The following DENND1A variants were observed in gnomAD, a reference collection of about 807,000 sequenced individuals.
DENND1A encodes the protein DENN domain-containing protein 1A.
DENND1A carries 51 observed loss-of-function variants against 113.7 expected under a neutral mutation model. That is an observed-to-expected ratio of 0.45 (90% CI 0.36 to 0.57). DENND1A has a LOEUF of 0.57. Ranked by LOEUF, DENND1A falls within the 20% of genes least tolerant of loss-of-function variation. The probability of loss-of-function intolerance (pLI) is 0.00; values close to 1 mark genes in which losing one functional copy is unlikely to be tolerated. For synonymous variants in DENND1A, 565 were observed against 570.8 expected (o/e 0.99, Z 0.14); for missense variants, 1,258 against 1,395.9 (o/e 0.90, Z 1.57).
At chr9:123,528,717 G>T (rs1395583473) in intron 13 of DENND1A, among the ~76,000 whole-genome samples, 1 of 152,178 alleles carries the variant, frequency 6.6e-6, no homozygotes, top group Non-Finnish European at 1.5e-5. Context: ...AAACCCTTAA[G>T]TGGCTTTACT....
chr9:123,794,826 T>C (rs140301129), intron 2 of DENND1A, among the ~76,000 whole-genome samples: 3 of 151,934 alleles, frequency 2.0e-5, no homozygotes, highest in African/African-American at 7.2e-5. Flanking sequence ...GGAAAATTAA[T>C]GAAAAGAAAA....
intron 11 of DENND1A, among the ~76,000 whole-genome samples, chr9:123,593,811 C>A (rs1380275183): frequency 6.6e-6 from 1 of 152,180 alleles, no homozygotes; most frequent in South Asian, 2.1e-4. Flanking sequence ...AGATCTCACG[C>A]CCTCTTGTAA....
At chr9:123,794,539 C>G (rs1484224314) in intron 2 of DENND1A, among the ~76,000 whole-genome samples, 1 of 152,152 alleles carries the variant, frequency 6.6e-6, no homozygotes, top group Non-Finnish European at 1.5e-5. Flanking sequence ...TACTATCATG[C>G]CCTCTTTCTT....
chr9:123,501,338 T>A (rs1432699593), intron 13 of DENND1A, among the ~76,000 whole-genome samples: 2 of 152,248 alleles, frequency 1.3e-5, no homozygotes, highest in African/African-American at 4.8e-5. Context: ...TATCCACTCA[T>A]CTGTGGATGG....
intron 8 of DENND1A, among the ~76,000 whole-genome samples, chr9:123,656,458 C>G (rs1431981200): frequency 6.6e-6 from 1 of 152,114 alleles, no homozygotes. Context: ...CCAATTCAGA[C>G]AAAAGCTTTG....
chr9:123,394,400 G>A (rs2043012469), intron 21 of DENND1A, among the ~76,000 whole-genome samples: 1 of 152,100 alleles, frequency 6.6e-6, no homozygotes, highest in Non-Finnish European at 1.5e-5. Context: ...GGTTGGCAGG[G>A]ACCAGGTCGT....
intron 19 of DENND1A, chr9:123,414,321 C>T (rs2044547298): frequency 1.4e-6 from 2 of 1,407,268 alleles, no homozygotes; most frequent in Admixed American, 3.1e-5. Flanking sequence ...CAACCATTAC[C>T]ATCAGCAGGT....
At chr9:123,467,094 CA>C (rs1309293229) in intron 13 of DENND1A, among the ~76,000 whole-genome samples, 4 of 151,902 alleles carry the variant, frequency 2.6e-5, no homozygotes, top group African/African-American at 9.7e-5. Context: ...CAAAACAAAA[CA>C]AAAAAACATT....
At chr9:123,432,790 C>T (rs2046233592) in intron 19 of DENND1A, among the ~76,000 whole-genome samples, 1 of 152,252 alleles carries the variant, frequency 6.6e-6, no homozygotes. Flanking sequence ...ATAGCCCCTT[C>T]TTTCCACATG....
chr9:123,846,906 A>G (rs1842700097), intron 2 of DENND1A, among the ~76,000 whole-genome samples: 1 of 152,240 alleles, frequency 6.6e-6, no homozygotes, highest in South Asian at 2.1e-4. Context: ...TACCAAAACC[A>G]TTAATTATAT....
At chr9:123,558,220 A>G (rs1391200961) in intron 12 of DENND1A, among the ~76,000 whole-genome samples, 3 of 152,212 alleles carry the variant, frequency 2.0e-5, no homozygotes, top group African/African-American at 7.2e-5. Flanking sequence ...GTTAGGCTAC[A>G]TACCTAGCAA....
intron 3 of DENND1A, among the ~76,000 whole-genome samples, chr9:123,779,743 A>G (rs1830981123): frequency 6.6e-6 from 1 of 152,030 alleles, no homozygotes; most frequent in Non-Finnish European, 1.5e-5. Flanking sequence ...CAAGCGATTC[A>G]CCCACTTCTG....
chr9:123,626,803 G>A (rs1035913635), intron 10 of DENND1A, among the ~76,000 whole-genome samples: 4 of 152,186 alleles, frequency 2.6e-5, no homozygotes, highest in Admixed American at 1.3e-4. Context: ...AGAGGCGGGA[G>A]GCAGCAGAAA....
chr9:123,508,231 C>A (rs536231215), intron 13 of DENND1A, among the ~76,000 whole-genome samples: 13 of 152,202 alleles, frequency 8.5e-5, no homozygotes, highest in African/African-American at 3.1e-4. Context: ...TTTTAACTTT[C>A]GTTTTTGGTG....
intron 21 of DENND1A, among the ~76,000 whole-genome samples, chr9:123,394,303 G>C (rs1306693441): frequency 1.3e-5 from 2 of 152,172 alleles, no homozygotes; most frequent in African/African-American, 2.4e-5. Context: ...GCATGGGAGA[G>C]GATCATAATG....
At chr9:123,488,453 A>C (rs924775831) in intron 13 of DENND1A, among the ~76,000 whole-genome samples, 1 of 152,264 alleles carries the variant, frequency 6.6e-6, no homozygotes, top group Admixed American at 6.5e-5. Flanking sequence ...TTTGTAACTG[A>C]CAATTTGAAA....
intron 19 of DENND1A, among the ~76,000 whole-genome samples, chr9:123,419,938 A>G (rs980495201): frequency 3.3e-5 from 5 of 152,242 alleles, no homozygotes; most frequent in African/African-American, 1.2e-4. Context: ...GGAGAAGACC[A>G]GGCCCTGGTG....
chr9:123,584,535 T>C (rs1200136566), intron 11 of DENND1A, among the ~76,000 whole-genome samples: 1 of 152,208 alleles, frequency 6.6e-6, no homozygotes, highest in Non-Finnish European at 1.5e-5. Flanking sequence ...CTGCTCAAGC[T>C]CCAGTTTCCA....
chr9:123,500,178 C>A (rs763342047), intron 13 of DENND1A, among the ~76,000 whole-genome samples: 30 of 152,276 alleles, frequency 2.0e-4, no homozygotes, highest in Middle Eastern at 6.8e-3. Context: ...TTCCCAGGTT[C>A]CATCGTTTGA....
Sources: allele counts gnomAD v4.1 joint callset (sites outside exome capture counted in the v4.1 genomes callset), GRCh38; gene constraint gnomAD v4.1.1; transcripts MANE v1.5; gene names NCBI Gene and HGNC (gene_info 2026-07-23, HGNC 2026-07-21).